Variants in CYRIA observed in about 807,000 individuals in gnomAD.
The protein encoded by CYRIA is CYFIP-related Rac1 interactor A.
Under a neutral mutation model 43.9 loss-of-function variants are expected in CYRIA, and 15 were observed. The observed-to-expected ratio is 0.34, with a 90% CI of 0.23 to 0.53. The LOEUF is 0.53. Ranked by LOEUF, CYRIA falls within the 20% of genes least tolerant of loss-of-function variation. The pLI, the probability that CYRIA is intolerant of heterozygous loss-of-function variation, is 0.94. For synonymous variants in CYRIA, 117 were observed against 136.0 expected, an observed-to-expected ratio of 0.86 and a Z score of 0.97; for missense variants, 236 against 394.2, an observed-to-expected ratio of 0.60 and a Z score of 3.40.
chr2:16,577,823 G>C (rs1198726416), intron 3 of CYRIA, among the ~76,000 whole-genome samples: 2 of 152,194 alleles, frequency 1.3e-5, no homozygotes, highest in African/African-American at 4.8e-5. Flanking sequence ...CTGGGTCAGG[G>C]GAAGATACAC....
chr2:16,574,691 C>T (rs1328559548), intron 3 of CYRIA, among the ~76,000 whole-genome samples: 5 of 152,178 alleles, frequency 3.3e-5, no homozygotes, highest in Non-Finnish European at 5.9e-5. Context: ...GCCATGGTGG[C>T]TCACATGTGG....
At chr2:16,648,190 G>T (rs115432847) in intron 1 of CYRIA, among the ~76,000 whole-genome samples, 4 of 152,108 alleles carry the variant, frequency 2.6e-5, no homozygotes, top group Admixed American at 6.5e-5. Flanking sequence ...ACTCAGCCAG[G>T]GGGGTGGAGT....
intron 2 of CYRIA, among the ~76,000 whole-genome samples, chr2:16,602,527 T>G (rs1473711136): frequency 6.6e-6 from 1 of 152,206 alleles, no homozygotes; most frequent in Non-Finnish European, 1.5e-5. Context: ...GGACCCATTT[T>G]ACGGGTATAA....
intron 6 of CYRIA, 127 bp downstream of exon 6, chr2:16,561,878 T>C (rs1226820084): frequency 2.0e-5 from 17 of 861,954 alleles, no homozygotes; most frequent in Non-Finnish European, 3.1e-5. Context: ...ATTATATGTC[T>C]CTCTAGGGAA....
At chr2:16,555,203 C>G in intron 10 of CYRIA, 64 bp from the exon 11 acceptor site, 1 of 1,371,844 alleles carries the variant, frequency 7.3e-7, no homozygotes, top group Non-Finnish European at 1.0e-6. Flanking sequence ...AATATCTACC[C>G]ATAATAACAT....
chr2:16,639,697 TG>T (rs1165615346), intron 1 of CYRIA, among the ~76,000 whole-genome samples: 1 of 152,240 alleles, frequency 6.6e-6, no homozygotes, highest in Non-Finnish European at 1.5e-5. Context: ...TTGCTGCCAC[TG>T]GGGGGAAGAG....
At chr2:16,621,299 T>C (rs1206801568) in intron 2 of CYRIA, among the ~76,000 whole-genome samples, 1 of 152,132 alleles carries the variant, frequency 6.6e-6, no homozygotes, top group African/African-American at 2.4e-5. Flanking sequence ...TCTAGCAAAT[T>C]GACTCTATGA....
chr2:16,607,736 A>C (rs554762985), intron 2 of CYRIA, among the ~76,000 whole-genome samples: 2 of 152,166 alleles, frequency 1.3e-5, no homozygotes, highest in Admixed American at 1.3e-4. Context: ...AGGTGGGATT[A>C]CAGGTGTGTG....
intron 2 of CYRIA, among the ~76,000 whole-genome samples, chr2:16,609,339 G>A (rs1166878614): frequency 6.6e-6 from 1 of 152,148 alleles, no homozygotes; most frequent in Non-Finnish European, 1.5e-5. Flanking sequence ...AGTACAATAG[G>A]CATGAGCTTT....
chr2:16,558,933 C>T lies in CYRIA; in HGVS notation c.837+527G>A, dbSNP rs551152301. ...TTGAAACATGTCTGAAAGGAACCCACCCATCAGAGAGGAAGAGGAAGGGCT... is the reference window on the plus strand; with the variant it reads ...TTGAAACATGTCTGAAAGGAACCCATCCATCAGAGAGGAAGAGGAAGGGCT... On this transcript the variant is annotated intron_variant, in intron 10 of 11. Transcript: ENST00000381323. 2.6e-5 allele frequency among the ~76,000 whole-genome samples: 4 copies of T among 151,534 alleles called. No individual in the cohort carries two copies. In the South Asian group the frequency reaches 8.3e-4, roughly 31 times the overall value.
intron 2 of CYRIA, among the ~76,000 whole-genome samples, chr2:16,616,735 T>C (rs772711604): frequency 1.3e-5 from 2 of 152,230 alleles, no homozygotes; most frequent in African/African-American, 2.4e-5. Context: ...TAAGTCAAAA[T>C]AAAAATTGCT....
At chr2:16,628,970 G>T (rs1326534966) in intron 1 of CYRIA, among the ~76,000 whole-genome samples, 1 of 152,168 alleles carries the variant, frequency 6.6e-6, no homozygotes, top group African/African-American at 2.4e-5. Flanking sequence ...TATTTTAAAA[G>T]ACTGGTGGGT....
At chr2:16,565,539 A>G (rs1322902946) in intron 4 of CYRIA, 107 bp downstream of exon 4, 10 of 1,286,358 alleles carry the variant, frequency 7.8e-6, no homozygotes, top group Non-Finnish European at 1.0e-5. Flanking sequence ...CTGGTACTCT[A>G]GGAAATACTG....
At chr2:16,627,376 A>G (rs928227542) in intron 1 of CYRIA, among the ~76,000 whole-genome samples, 3 of 152,218 alleles carry the variant, frequency 2.0e-5, no homozygotes, top group Non-Finnish European at 4.4e-5. Context: ...GCACAGAGCA[A>G]CACTGAGAAA....
At chr2:16,631,157 T>C (rs1669320138) in intron 1 of CYRIA, among the ~76,000 whole-genome samples, 2 of 152,260 alleles carry the variant, frequency 1.3e-5, no homozygotes, top group African/African-American at 4.8e-5. Context: ...CTCTTTGGAC[T>C]ACTTTGAAAA....
At chr2:16,613,188 G>A (rs1002483033) in intron 2 of CYRIA, among the ~76,000 whole-genome samples, 6 of 152,308 alleles carry the variant, frequency 3.9e-5, no homozygotes, top group South Asian at 2.1e-4. Context: ...AAGGAATTTC[G>A]AAGAATGCTG....
At chr2:16,560,312 C>T (rs1205927732) in intron 9 of CYRIA, among the ~76,000 whole-genome samples, 1 of 152,100 alleles carries the variant, frequency 6.6e-6, no homozygotes. Context: ...TTTGAACAGG[C>T]TATCAGATTT....
At chr2:16,584,907 T>C (rs1225792612) in intron 3 of CYRIA, among the ~76,000 whole-genome samples, 3 of 152,200 alleles carry the variant, frequency 2.0e-5, no homozygotes, top group African/African-American at 7.2e-5. Context: ...ACTAGATGTA[T>C]GCTCTTTTTC....
chr2:16,576,240 T>C (rs1180228701), intron 3 of CYRIA, among the ~76,000 whole-genome samples: 1 of 152,196 alleles, frequency 6.6e-6, no homozygotes, highest in Non-Finnish European at 1.5e-5. Flanking sequence ...TGGGTACTTG[T>C]TATATGCCTA....
Sources: allele counts gnomAD v4.1 joint callset (sites outside exome capture counted in the v4.1 genomes callset), GRCh38; gene constraint gnomAD v4.1.1; transcripts MANE v1.5; gene names NCBI Gene and HGNC (gene_info 2026-07-23, HGNC 2026-07-21).